Variants in ZNF804B observed in about 807,000 individuals in gnomAD.
The protein encoded by ZNF804B is zinc finger protein 804B.
In ZNF804B, 80 loss-of-function variants were observed where a neutral mutation model predicts 101.4. The ratio of observed to expected loss-of-function variants is 0.79; its 90% CI spans 0.66 to 0.95. The LOEUF is 0.95. Ranked by LOEUF, ZNF804B falls within the 40% of genes least tolerant of loss-of-function variation. The pLI, the probability that ZNF804B is intolerant of heterozygous loss-of-function variation, is 0.00. For missense variants in ZNF804B, 1,673 were observed against 1,561.9 expected (o/e 1.07, Z -1.20); for synonymous variants, 622 against 558.8 (o/e 1.11, Z -1.59).
Position 89,333,618 on chromosome 7 carries a change from T to C in ZNF804B, c.636T>C (p.Asn212=). 1 of 1,613,622 alleles carries C rather than the reference T, an allele frequency of 6.2e-7. No homozygotes were observed. The highest frequency in any genetic ancestry group is 1.7e-4 in the Middle Eastern group (1 of 6,058). ...QVLQTSSDLS[N]ANHRTGVSFT... Reference sequence around the variant, plus strand: ...TGCAAACATCTTCAGATCTCAGCAATGCAAATCACAGAACAGGAGTATCAT... The same window carrying C: ...TGCAAACATCTTCAGATCTCAGCAACGCAAATCACAGAACAGGAGTATCAT... Residue 212 remains asparagine, a synonymous_variant, in exon 4 of 4, where the codon AAT becomes AAC. Transcript: ENST00000333190.
chr7:89,057,313 T>C lies in ZNF804B; in HGVS notation c.109-160842T>C, dbSNP rs148857989. Among the ~76,000 whole-genome samples the C allele has an allele frequency of 3.9e-4, 59 of 152,154 alleles. No individual in the cohort carries two copies. The East Asian group carries it at 9.3e-3, about 24-fold the overall frequency. ...ATAGGTCAAAATGCAGCCGGATTGA[T>C]GCTTAACTATAACTATATTTCTGTC... On this transcript the variant is annotated intron_variant, in intron 1 of 3. Transcript: ENST00000333190.
chr7:89,245,221 T>C (rs958591463), intron 2 of ZNF804B, among the ~76,000 whole-genome samples: 16 of 151,744 alleles, frequency 1.1e-4, no homozygotes, highest in African/African-American at 3.9e-4. Flanking sequence ...AGCAAGTAAA[T>C]AAAAACTCAG....
intron 1 of ZNF804B, among the ~76,000 whole-genome samples, chr7:88,879,589 A>G (rs1301073867): frequency 1.3e-5 from 2 of 152,178 alleles, no homozygotes; most frequent in African/African-American, 4.8e-5. Context: ...ACACACAGGA[A>G]TTGAAGCCCC....
intron 2 of ZNF804B, among the ~76,000 whole-genome samples, chr7:89,294,264 C>T (rs1233898329): frequency 6.6e-6 from 1 of 151,946 alleles, no homozygotes; most frequent in Non-Finnish European, 1.5e-5. Context: ...AAACTTTAAA[C>T]TCTGTAATGC....
At chr7:89,010,878 G>T (rs551402670) in intron 1 of ZNF804B, among the ~76,000 whole-genome samples, 1 of 152,150 alleles carries the variant, frequency 6.6e-6, no homozygotes, top group East Asian at 1.9e-4. Context: ...TGATTGCTGT[G>T]TTCCTACACA....
chr7:89,316,609 T>C (rs38949), intron 2 of ZNF804B, among the ~76,000 whole-genome samples: 16,925 of 152,078 alleles, frequency 0.11, 966 homozygotes, highest in Non-Finnish European at 0.12. Flanking sequence ...AGATCACCTC[T>C]CATCACAGCA....
chr7:89,147,106 A>G (rs1215624196), intron 1 of ZNF804B, among the ~76,000 whole-genome samples: 1 of 133,200 alleles, frequency 7.5e-6, no homozygotes, highest in Non-Finnish European at 1.6e-5. Context: ...TATATATTTA[A>G]TGTTTAAAAT....
At chr7:88,952,800 T>G (rs1167339518) in intron 1 of ZNF804B, among the ~76,000 whole-genome samples, 3 of 151,730 alleles carry the variant, frequency 2.0e-5, no homozygotes, top group Non-Finnish European at 2.9e-5. Flanking sequence ...AAAAGTTGGG[T>G]TTCTAAAGAA....
At chr7:89,123,719 G>A (rs1028210162) in intron 1 of ZNF804B, among the ~76,000 whole-genome samples, 1 of 152,068 alleles carries the variant, frequency 6.6e-6, no homozygotes, top group Non-Finnish European at 1.5e-5. Context: ...CAGCATATAA[G>A]TATTAATGTT....
At chr7:89,319,262 A>G (rs1790777672) in intron 2 of ZNF804B, among the ~76,000 whole-genome samples, 1 of 152,152 alleles carries the variant, frequency 6.6e-6, no homozygotes, top group Non-Finnish European at 1.5e-5. Context: ...TCCATCTCAA[A>G]AATAAATAAT....
chr7:89,014,517 C>T (rs1056925662), intron 1 of ZNF804B, among the ~76,000 whole-genome samples: 3 of 152,122 alleles, frequency 2.0e-5, no homozygotes, highest in African/African-American at 7.2e-5. Context: ...GGGGTTTCAC[C>T]GTGTTAGCCA....
intron 1 of ZNF804B, among the ~76,000 whole-genome samples, chr7:88,796,355 ATAAT>A (rs1383631876): frequency 3.3e-5 from 5 of 152,152 alleles, no homozygotes; most frequent in African/African-American, 9.7e-5. Flanking sequence ...AGGTGACTTA[ATAAT>A]TAATTAATTG....
In ZNF804B at chr7:88,800,902, A is replaced by G. The variant is rs547760993; in HGVS notation, c.108+40818A>G. On this transcript the variant is annotated intron_variant, in intron 1 of 3. Coordinates refer to ENST00000333190, the MANE Select transcript of ZNF804B (RefSeq NM_181646.5). The stretch of plus-strand genomic sequence containing the variant: ...TCTCTAGGCCAAAAATGTCTAAGTT[A>G]GTAGGCTTAAAGTGAGACCCAAGAA... Among the ~76,000 whole-genome samples, 13 of 152,222 alleles carry G rather than the reference A, an allele frequency of 8.5e-5. No homozygotes were observed. In the East Asian group the frequency reaches 2.5e-3, roughly 29 times the overall value.
At chr7:89,062,102 C>T (rs752525315) in intron 1 of ZNF804B, among the ~76,000 whole-genome samples, 4 of 152,126 alleles carry the variant, frequency 2.6e-5, no homozygotes, top group Admixed American at 6.6e-5. Flanking sequence ...ATGACCACTA[C>T]TTCCAGAAAG....
At chr7:89,079,531 CA>C (rs1789664213) in intron 1 of ZNF804B, among the ~76,000 whole-genome samples, 1 of 152,012 alleles carries the variant, frequency 6.6e-6, no homozygotes, top group Non-Finnish European at 1.5e-5. Context: ...TTACTCTCTG[CA>C]AAATTCTCTT....
At chr7:89,087,709 T>G (rs1300980351) in intron 1 of ZNF804B, among the ~76,000 whole-genome samples, 1 of 151,952 alleles carries the variant, frequency 6.6e-6, no homozygotes, top group Non-Finnish European at 1.5e-5. Context: ...AGTATTTCAT[T>G]TATGTTTATC....
At chr7:89,281,140 A>G (rs965284178) in intron 2 of ZNF804B, among the ~76,000 whole-genome samples, 8 of 152,206 alleles carry the variant, frequency 5.3e-5, no homozygotes, top group Non-Finnish European at 8.8e-5. Context: ...ACTTTAAGGT[A>G]TTCTTCTTTA....
intron 1 of ZNF804B, among the ~76,000 whole-genome samples, chr7:89,169,678 C>T (rs1292712411): frequency 1.3e-5 from 2 of 152,198 alleles, no homozygotes; most frequent in African/African-American, 2.4e-5. Flanking sequence ...TTCGAAAGCA[C>T]TGAACCTAGT....
chr7:88,838,924 T>C (rs1791256785), intron 1 of ZNF804B, among the ~76,000 whole-genome samples: 1 of 152,012 alleles, frequency 6.6e-6, no homozygotes, highest in African/African-American at 2.4e-5. Flanking sequence ...ATAAATAAAG[T>C]CTTTTAAGTA....
Sources: allele counts gnomAD v4.1 joint callset (sites outside exome capture counted in the v4.1 genomes callset), GRCh38; gene constraint gnomAD v4.1.1; transcripts MANE v1.5; gene names NCBI Gene and HGNC (gene_info 2026-07-23, HGNC 2026-07-21).